Variants in ADGRV1 observed in about 807,000 individuals in gnomAD.
ADGRV1 encodes the protein adhesion G protein-coupled receptor V1.
ADGRV1 carries 359 observed loss-of-function variants against 596.2 expected under a neutral mutation model. The observed-to-expected ratio is 0.60, with a 90% CI of 0.55 to 0.66. The LOEUF (loss-of-function observed/expected upper bound fraction) is 0.66. Among genes scored for constraint, ADGRV1 ranks in the 30% least tolerant of loss-of-function variants. ADGRV1 has a pLI of 0.00. For missense variants in ADGRV1, 7,274 were observed against 7,575.6 expected, an observed-to-expected ratio of 0.96 and a Z score of 1.48; for synonymous variants, 2,681 against 2,679.2, an observed-to-expected ratio of 1.00 and a Z score of -0.02.
At chr5:90,999,391 G>T (rs1019297649) in intron 85 of ADGRV1, among the ~76,000 whole-genome samples, 2 of 151,964 alleles carry the variant, frequency 1.3e-5, no homozygotes, top group Non-Finnish European at 2.9e-5. Flanking sequence ...TTAAAACGGT[G>T]AAAACATATG....
chr5:90,748,616 T>C (rs977982775), intron 52 of ADGRV1, among the ~76,000 whole-genome samples: 3 of 152,050 alleles, frequency 2.0e-5, no homozygotes, highest in African/African-American at 7.2e-5. Flanking sequence ...TAGGGAGAGT[T>C]AGAAAGAAAC....
chr5:90,601,099 G>A (rs369950041), intron 1 of ADGRV1, among the ~76,000 whole-genome samples: 3 of 152,028 alleles, frequency 2.0e-5, no homozygotes, highest in Non-Finnish European at 4.4e-5. Context: ...TTAGCCGGGC[G>A]TGGTGGTGCA....
At position 90,706,238 on chromosome 5, in the gene ADGRV1, C is replaced by A. The variant is rs1055372677; in HGVS notation, c.8574C>A (p.Ile2858=). ...INREFGSLGA[I]NVTYTTVPGM... ...TGCAACCTATTCAATTAGGAGCTAT[C>A]AATGTCACATATACCACGGTTCCTG... The change falls in exon 38 of 90, where the codon ATC becomes ATA. Residue 2858 remains isoleucine, a synonymous_variant. Coordinates refer to ENST00000405460, the MANE Select transcript of ADGRV1 (RefSeq NM_032119.4). The A allele has an allele frequency of 6.2e-6, 10 of 1,604,844 alleles. No individual in the cohort carries two copies. Among genetic ancestry groups the A allele is most frequent in the Non-Finnish European group, 5.9e-6 (7 of 1,177,138 alleles).
At chr5:90,994,653 T>A (rs914836060) in intron 85 of ADGRV1, among the ~76,000 whole-genome samples, 1 of 152,240 alleles carries the variant, frequency 6.6e-6, no homozygotes, top group Non-Finnish European at 1.5e-5. Flanking sequence ...AAATTGGACA[T>A]TCTATGTGGA....
chr5:90,728,018 A>G (rs1016332731), intron 48 of ADGRV1, among the ~76,000 whole-genome samples: 3 of 152,132 alleles, frequency 2.0e-5, no homozygotes, highest in Non-Finnish European at 4.4e-5. Context: ...ACCTTTTCCT[A>G]ATAGTTAATA....
chr5:91,117,281 ATATT>A (rs946465609), intron 87 of ADGRV1, among the ~76,000 whole-genome samples: 38 of 152,244 alleles, frequency 2.5e-4, no homozygotes, highest in African/African-American at 8.2e-4. Context: ...TGGAAATCTT[ATATT>A]TATTTATTTA....
At chr5:90,633,391 G>A (rs1417164368) in intron 9 of ADGRV1, among the ~76,000 whole-genome samples, 8 of 61,840 alleles carry the variant, frequency 1.3e-4, no homozygotes, top group African/African-American at 1.1e-3. Flanking sequence ...AAAGTTTTGT[G>A]TAAAAATTAT....
intron 87 of ADGRV1, among the ~76,000 whole-genome samples, chr5:91,143,507 G>A (rs568675458): frequency 6.6e-6 from 1 of 152,272 alleles, no homozygotes; most frequent in East Asian, 1.9e-4. Flanking sequence ...CGTCTGCTCA[G>A]CTCTCAGCAG....
intron 84 of ADGRV1, among the ~76,000 whole-genome samples, chr5:90,971,462 T>C (rs897421292): frequency 6.6e-6 from 1 of 152,136 alleles, no homozygotes; most frequent in African/African-American, 2.4e-5. Flanking sequence ...AAAGGTTGGG[T>C]TACCCACAAA....
At chr5:90,596,074 G>C (rs1287740524) in intron 1 of ADGRV1, among the ~76,000 whole-genome samples, 1 of 149,880 alleles carries the variant, frequency 6.7e-6, no homozygotes, top group Non-Finnish European at 1.5e-5. Flanking sequence ...CTTCTCAGAC[G>C]GGGCGGCCGG....
intron 1 of ADGRV1, among the ~76,000 whole-genome samples, chr5:90,577,596 G>T (rs1003096385): frequency 6.6e-6 from 1 of 152,178 alleles, no homozygotes; most frequent in African/African-American, 2.4e-5. Flanking sequence ...TCTTGACAAT[G>T]TGGGCTCTTT....
chr5:90,989,725 G>C (rs1002903858), intron 85 of ADGRV1, among the ~76,000 whole-genome samples: 1 of 152,166 alleles, frequency 6.6e-6, no homozygotes, highest in Non-Finnish European at 1.5e-5. Flanking sequence ...ACACTAAACT[G>C]CTGAACCAGT....
chr5:90,732,550 T>A (rs1752687828), intron 50 of ADGRV1, among the ~76,000 whole-genome samples: 1 of 152,194 alleles, frequency 6.6e-6, no homozygotes, highest in East Asian at 1.9e-4. Flanking sequence ...GTAGATTAGG[T>A]CCACAGAAAT....
At chr5:90,576,025 C>T (rs1757153094) in intron 1 of ADGRV1, among the ~76,000 whole-genome samples, 1 of 152,232 alleles carries the variant, frequency 6.6e-6, no homozygotes, top group South Asian at 2.1e-4. Context: ...CAAAGAATGT[C>T]CCTCTTTATT....
intron 83 of ADGRV1, chr5:90,929,316 G>A (rs756449216): frequency 6.5e-6 from 1 of 153,100 alleles, no homozygotes; most frequent in Non-Finnish European, 1.5e-5. Context: ...CGAGCCAGGT[G>A]CGGGATATAA....
At chr5:91,105,998 T>TTTTATA in intron 87 of ADGRV1, among the ~76,000 whole-genome samples, 1 of 151,450 alleles carries the variant, frequency 6.6e-6, no homozygotes, top group African/African-American at 2.4e-5. Flanking sequence ...TTTAATATCC[T>TTTTATA]TTTATATTTA....
chr5:91,031,385 G>T (rs894580344), intron 85 of ADGRV1: 3 of 1,093,592 alleles, frequency 2.7e-6, no homozygotes, highest in African/African-American at 1.6e-5. Context: ...CATTCTGCAT[G>T]CTCTGTGCCA....
At chr5:90,944,237 C>T (rs1480524873) in intron 83 of ADGRV1, among the ~76,000 whole-genome samples, 1 of 152,064 alleles carries the variant, frequency 6.6e-6, no homozygotes, top group Non-Finnish European at 1.5e-5. Flanking sequence ...GTTGGAATTG[C>T]TAGTCTTTAA....
intron 77 of ADGRV1, among the ~76,000 whole-genome samples, chr5:90,840,096 A>T (rs1288783664): frequency 6.6e-6 from 1 of 152,210 alleles, no homozygotes; most frequent in African/African-American, 2.4e-5. Context: ...CCTACTCCTT[A>T]GGATATTTCC....
Sources: gnomAD v4.1 joint callset for allele counts (sites outside exome capture counted in the v4.1 genomes callset) on GRCh38, gnomAD v4.1.1 for gene constraint, MANE v1.5 for transcripts, NCBI Gene and HGNC (gene_info 2026-07-23, HGNC 2026-07-21) for gene names.